Variants in DPY19L3 observed in about 807,000 individuals in gnomAD.
DPY19L3 encodes dpy-19 like C-mannosyltransferase 3, also known as protein C-mannosyl-transferase DPY19L3.
In DPY19L3, 51 loss-of-function variants were observed where a neutral mutation model predicts 92.3. The observed-to-expected ratio is 0.55, with a 90% CI of 0.44 to 0.70. The LOEUF (loss-of-function observed/expected upper bound fraction) is 0.70. Among genes scored for constraint, DPY19L3 ranks in the 30% least tolerant of loss-of-function variants. The pLI, the probability that DPY19L3 is intolerant of heterozygous loss-of-function variation, is 0.00. For missense variants in DPY19L3, 706 were observed against 855.9 expected (o/e 0.82, Z 2.18); for synonymous variants, 309 against 315.2 (o/e 0.98, Z 0.21).
At position 32,408,359 on chromosome 19, in the gene DPY19L3, A is replaced by G. The variant is rs1367717246; in HGVS notation, c.103+3A>G. 6.2e-7 allele frequency: 1 copy of G among 1,609,808 alleles called. No individual in the cohort carries two copies. Among genetic ancestry groups the G allele is most frequent in the Non-Finnish European group, 8.5e-7 (1 of 1,176,500 alleles). The stretch of plus-strand genomic sequence containing the variant: ...GTTGGAAAATAAATTGCCATCTGGT[A>G]GGTGATTTAAACTAAAGCAGCAATT... On this transcript the variant is annotated splice_donor_region_variant and intron_variant, in intron 2 of 18. Transcript: ENST00000392250.
intron 16 of DPY19L3, among the ~76,000 whole-genome samples, chr19:32,470,606 A>G (rs1258949159): frequency 6.6e-6 from 1 of 152,166 alleles, no homozygotes; most frequent in East Asian, 1.9e-4. Context: ...CCCACAGAAA[A>G]TTAAAATAAC....
chr19:32,431,396 A>G (rs1052649351), intron 3 of DPY19L3, among the ~76,000 whole-genome samples: 17 of 151,716 alleles, frequency 1.1e-4, no homozygotes, highest in African/African-American at 4.1e-4. Flanking sequence ...AAACAGATCG[A>G]ATTATATTTT....
At chr19:32,409,070 A>C (rs1420287327) in intron 2 of DPY19L3, among the ~76,000 whole-genome samples, 2 of 152,238 alleles carry the variant, frequency 1.3e-5, no homozygotes, top group Non-Finnish European at 2.9e-5. Flanking sequence ...ATTCAGGGAA[A>C]CAGTTTAACA....
In DPY19L3 at chr19:32,477,543, T is replaced by C. The variant is rs1970548038; in HGVS notation, c.1719T>C (p.Ala573=). The C allele has an allele frequency of 1.9e-6, 3 of 1,614,030 alleles. No individual in the cohort carries two copies. In the African/African-American group the frequency reaches 4.0e-5, roughly 22 times the overall value. Residue 573 remains alanine (A), a synonymous_variant, in exon 17 of 19, where the codon GCT becomes GCC. Coordinates refer to ENST00000392250, the MANE Select transcript of DPY19L3 (RefSeq NM_001172774.2). ...NWINSNTPRK[A]VFAGSMQLLA... ...TCAGCTCTAACACTCCAAGAAAGGC[T>C]GTGTTTGCGGGAAGCATGCAGTTGC... is the stretch of plus-strand genomic sequence containing the variant.
At position 32,482,127 on chromosome 19, in the gene DPY19L3, C is replaced by T. The variant is rs1970691425; in HGVS notation, c.2038C>T (p.His680Tyr). 5 of 1,613,766 alleles carry T rather than the reference C, an allele frequency of 3.1e-6. No homozygotes were observed. Among genetic ancestry groups the T allele is most frequent in the Non-Finnish European group, 4.2e-6 (5 of 1,179,838 alleles). The change falls in exon 19 of 19, where the codon CAC becomes TAC. Residue 680 changes from histidine to tyrosine, a missense_variant. Physicochemically the swap from His to Tyr is moderately conservative, Grantham distance 83 (BLOSUM62 2). Transcript: ENST00000392250. Reference protein sequence around the residue: ...ENDPDLKPADHPRFCEEIKRN... With the variant: ...ENDPDLKPADYPRFCEEIKRN... ...TGATCCTGATTTGAAACCTGCAGACCACCCTCGCTTCTGTGAAGAGATCAA... is the reference window on the plus strand; with the variant it reads ...TGATCCTGATTTGAAACCTGCAGACTACCCTCGCTTCTGTGAAGAGATCAA...
chr19:32,413,319 T>G (rs761950732), intron 3 of DPY19L3: 1 of 152,238 alleles, frequency 6.6e-6, no homozygotes, highest in Non-Finnish European at 1.5e-5. Flanking sequence ...GATATTACTT[T>G]GATGACAAAT....
intron 15 of DPY19L3, chr19:32,467,870 G>A: frequency 1.0e-6 from 1 of 984,818 alleles, no homozygotes; most frequent in Non-Finnish European, 1.2e-6. Flanking sequence ...GGGTAATTCA[G>A]AGAGTAATTT....
At chr19:32,439,985 A>T in intron 8 of DPY19L3, 75 bp downstream of exon 8, 1 of 1,558,396 alleles carries the variant, frequency 6.4e-7, no homozygotes, top group Non-Finnish European at 8.7e-7. Context: ...AGATGAAAAT[A>T]TGCAAGTACT....
At chr19:32,474,520 G>A (rs541093013) in intron 16 of DPY19L3, among the ~76,000 whole-genome samples, 2 of 152,284 alleles carry the variant, frequency 1.3e-5, no homozygotes, top group Admixed American at 1.3e-4. Flanking sequence ...TAGTAAATAC[G>A]TGATACACTA....
chr19:32,468,814 G>C lies in DPY19L3; in HGVS notation c.1697+1G>C. The C allele has an allele frequency of 5.0e-6, 8 of 1,611,136 alleles. No individual in the cohort carries two copies. Among genetic ancestry groups the C allele is most frequent in the Non-Finnish European group, 5.1e-6 (6 of 1,179,010 alleles). ...CAGTGGAGCTGATGAACTGGATTAA[G>C]TAAGAGGATTTTTTTTAACTTTTAA... On this transcript the variant is annotated splice_donor_variant, in intron 16 of 18. Coordinates refer to ENST00000392250, the MANE Select transcript of DPY19L3 (RefSeq NM_001172774.2). LOFTEE classifies it high-confidence loss of function.
chr19:32,447,857 T>TAGATAGAC (rs1568344203), intron 8 of DPY19L3, among the ~76,000 whole-genome samples: 18 of 151,802 alleles, frequency 1.2e-4, no homozygotes, highest in African/African-American at 4.1e-4. Context: ...GATAGATAGA[T>TAGATAGAC]AGAGCTGGCT....
intron 12 of DPY19L3, among the ~76,000 whole-genome samples, chr19:32,459,085 T>C (rs2145581304): frequency 6.6e-6 from 1 of 152,322 alleles, no homozygotes; most frequent in South Asian, 2.1e-4. Flanking sequence ...GGGCTCATAA[T>C]GTTGGAGTGG....
chr19:32,481,199 G>A (rs753512472), intron 18 of DPY19L3: 10 of 159,660 alleles, frequency 6.3e-5, no homozygotes, highest in Non-Finnish European at 1.2e-4. Flanking sequence ...GTAATTAATG[G>A]TATGAAAGCC....
intron 4 of DPY19L3, among the ~76,000 whole-genome samples, chr19:32,435,825 G>T (rs377237593): frequency 1.2e-4 from 19 of 152,196 alleles, no homozygotes; most frequent in African/African-American, 3.9e-4. Context: ...TGTGGCTGTG[G>T]ATCTCTGTAA....
At chr19:32,415,400 A>C (rs796140385) in intron 3 of DPY19L3, among the ~76,000 whole-genome samples, 24 of 152,320 alleles carry the variant, frequency 1.6e-4, no homozygotes, top group African/African-American at 5.5e-4. Flanking sequence ...TCAAGACGCA[A>C]GAGAGCCTGG....
intron 1 of DPY19L3, among the ~76,000 whole-genome samples, chr19:32,406,464 A>T (rs117008743): frequency 0.032 from 4,889 of 151,872 alleles, 99 homozygotes; most frequent in Middle Eastern, 0.095. Context: ...GGCTCAAGCG[A>T]TTCTCCCACC....
At chr19:32,435,121 G>T (rs929430526) in intron 4 of DPY19L3, among the ~76,000 whole-genome samples, 4 of 152,182 alleles carry the variant, frequency 2.6e-5, no homozygotes, top group African/African-American at 9.7e-5. Flanking sequence ...ATGCCCTTTT[G>T]TTGCTGTGTC....
At position 32,432,800 on chromosome 19, in the gene DPY19L3, G is replaced by A. The variant is rs199864417; in HGVS notation, c.322G>A (p.Val108Met). ...YKQMLQAPTL[V>M]QGFHGLIYDN... ...GCAGATGCTGCAGGCTCCAACCCTC[G>A]TGCAAGGTAATTACAACTGATAGTT... Residue 108 changes from valine to methionine, a missense_variant, in exon 4 of 19, where the codon GTG (valine) becomes ATG (methionine). Val to Met is a conservative substitution (Grantham distance 21). Coordinates refer to ENST00000392250, the MANE Select transcript of DPY19L3 (RefSeq NM_001172774.2). 5.3e-5 allele frequency: 85 copies of A among 1,613,406 alleles called. No individual in the cohort carries two copies. The highest frequency in any genetic ancestry group is 3.1e-4 in the East Asian group (14 of 44,854).
At chr19:32,409,756 C>A (rs1568320644) in intron 2 of DPY19L3, among the ~76,000 whole-genome samples, 2 of 152,126 alleles carry the variant, frequency 1.3e-5, no homozygotes, top group African/African-American at 2.4e-5. Context: ...ATGTCAGGCT[C>A]TTTTTTAACC....
Sources: allele counts gnomAD v4.1 joint callset (sites outside exome capture counted in the v4.1 genomes callset), GRCh38; gene constraint gnomAD v4.1.1; transcripts MANE v1.5; gene names NCBI Gene and HGNC (gene_info 2026-07-23, HGNC 2026-07-21).